TNIP3: variants seen among roughly 807,000 people sequenced by gnomAD.
The protein encoded by TNIP3 is TNFAIP3 interacting protein 3, also known as TNFAIP3-interacting protein 3.
TNIP3 carries 34 observed loss-of-function variants against 54.1 expected under a neutral mutation model. That is an observed-to-expected ratio of 0.63 (90% CI 0.48 to 0.84). The LOEUF (loss-of-function observed/expected upper bound fraction) is 0.84, where lower values mean the gene tolerates loss of function less well. Ranked by LOEUF, TNIP3 falls within the 40% of genes least tolerant of loss-of-function variation. TNIP3 has a pLI of 0.00. For synonymous variants in TNIP3, 134 were observed against 136.8 expected, an observed-to-expected ratio of 0.98 and a Z score of 0.14; for missense variants, 366 against 387.6, an observed-to-expected ratio of 0.94 and a Z score of 0.47.
chr4:121,143,031 G>T (rs1177482433), intron 7 of TNIP3, among the ~76,000 whole-genome samples: 3 of 152,196 alleles, frequency 2.0e-5, no homozygotes, highest in Non-Finnish European at 1.5e-5. Flanking sequence ...TTTAGATACA[G>T]ATATAGAAAC....
chr4:121,178,333 T>C (rs1260907932), intron 3 of TNIP3, among the ~76,000 whole-genome samples: 1 of 152,176 alleles, frequency 6.6e-6, no homozygotes, highest in African/African-American at 2.4e-5. Flanking sequence ...AGGTGCTCAA[T>C]ACACAGCAGC....
intron 2 of TNIP3, among the ~76,000 whole-genome samples, chr4:121,198,635 C>T (rs1053657819): frequency 4.0e-4 from 61 of 152,140 alleles, no homozygotes; most frequent in African/African-American, 1.4e-3. Context: ...TGCCTCTAAA[C>T]AAACTTATAG....
At chr4:121,180,332 G>A (rs1425703900) in intron 3 of TNIP3, among the ~76,000 whole-genome samples, 2 of 151,946 alleles carry the variant, frequency 1.3e-5, no homozygotes, top group Non-Finnish European at 2.9e-5. Context: ...CTCAGGAGGC[G>A]CAGCTTGCAG....
At chr4:121,190,641 G>A (rs1725258432) in intron 2 of TNIP3, among the ~76,000 whole-genome samples, 1 of 152,186 alleles carries the variant, frequency 6.6e-6, no homozygotes, top group African/African-American at 2.4e-5. Context: ...CAATGTCAGT[G>A]AGCAGGGATC....
intron 7 of TNIP3, among the ~76,000 whole-genome samples, chr4:121,145,277 C>G (rs1362159680): frequency 6.6e-6 from 1 of 152,102 alleles, no homozygotes; most frequent in East Asian, 1.9e-4. Context: ...CTATCATTCT[C>G]CTATTGAGTA....
rs371051855 is a variant in TNIP3 at position 121,176,902 on chromosome 4, T to A, written c.189+5774A>T. On this transcript the variant is annotated intron_variant, in intron 3 of 12. Coordinates refer to the TNIP3 transcript ENST00000507879. ...AGAACTTGTCCCCAGCCACTGGGAG[T>A]TCCTCCCTTAACTTGTATCAAAAGT... Among the ~76,000 whole-genome samples the A allele has an allele frequency of 3.0e-4, 46 of 152,206 alleles. No homozygotes were observed. In the South Asian group the frequency reaches 9.6e-3, roughly 32 times the overall value.
At chr4:121,138,766 G>T in intron 9 of TNIP3, 82 bp from the exon 10 acceptor site, 1 of 1,298,068 alleles carries the variant, frequency 7.7e-7, no homozygotes. Context: ...AGGCTATGTG[G>T]CTTTTATTAA....
upstream of TNIP3, among the ~76,000 whole-genome samples, chr4:121,219,066 G>A (rs537280606): frequency 3.8e-4 from 58 of 152,180 alleles, no homozygotes; most frequent in East Asian, 0.01. Flanking sequence ...TGGGTGTGGT[G>A]GTGTGCACCT....
chr4:121,195,611 G>A (rs1197150657), intron 2 of TNIP3, among the ~76,000 whole-genome samples: 4 of 152,150 alleles, frequency 2.6e-5, no homozygotes, highest in African/African-American at 9.6e-5. Context: ...AAAGTTATTT[G>A]TATTAAAATT....
chr4:121,174,695 A>T (rs138937998), intron 3 of TNIP3, among the ~76,000 whole-genome samples: 1 of 152,106 alleles, frequency 6.6e-6, no homozygotes, highest in African/African-American at 2.4e-5. Flanking sequence ...GGAATAATTG[A>T]TCTTTTTTTT....
chr4:121,209,986 T>C (rs993200043), intron 2 of TNIP3, among the ~76,000 whole-genome samples: 9 of 152,210 alleles, frequency 5.9e-5, no homozygotes, highest in Non-Finnish European at 1.5e-5. Context: ...ATTTGAAGTA[T>C]TTTAAGGTTT....
At chr4:121,160,483 A>AG (rs1003547038) in intron 2 of TNIP3, among the ~76,000 whole-genome samples, 4 of 152,048 alleles carry the variant, frequency 2.6e-5, no homozygotes, top group African/African-American at 9.7e-5. Context: ...TCTCAAAAAA[A>AG]AAAAAGAAGG....
At chr4:121,157,597 C>G (rs557835124) in intron 3 of TNIP3, among the ~76,000 whole-genome samples, 1 of 152,106 alleles carries the variant, frequency 6.6e-6, no homozygotes, top group Non-Finnish European at 1.5e-5. Flanking sequence ...CTGGAAAGGG[C>G]AATGAGGGGC....
At chr4:121,160,745 AG>A (rs1730399133) in intron 2 of TNIP3, among the ~76,000 whole-genome samples, 1 of 152,206 alleles carries the variant, frequency 6.6e-6, no homozygotes. Context: ...AGACTTTTCA[AG>A]TAACTCAAGA....
chr4:121,168,234 T>C (rs968026032), upstream of TNIP3, among the ~76,000 whole-genome samples: 4 of 151,832 alleles, frequency 2.6e-5, no homozygotes, highest in African/African-American at 9.7e-5. Flanking sequence ...TGAGACAGAG[T>C]CTCGCTCTGT....
upstream of TNIP3, among the ~76,000 whole-genome samples, chr4:121,166,619 G>A (rs766112707): frequency 5.3e-5 from 8 of 152,310 alleles, no homozygotes; most frequent in Non-Finnish European, 1.2e-4. Context: ...GGGAAATGTG[G>A]TAAAGGAACA....
chr4:121,137,072 T>C (rs1728829254), intron 10 of TNIP3, among the ~76,000 whole-genome samples: 1 of 152,172 alleles, frequency 6.6e-6, no homozygotes, highest in African/African-American at 2.4e-5. Context: ...TCACAATTCA[T>C]TTCTATTTTA....
chr4:121,204,143 A>G (rs1726051982), intron 2 of TNIP3, among the ~76,000 whole-genome samples: 1 of 152,104 alleles, frequency 6.6e-6, no homozygotes, highest in African/African-American at 2.4e-5. Context: ...TTACTTTGTG[A>G]AAGAAAAATA....
chr4:121,147,130 T>C lies in TNIP3; in HGVS notation c.654A>G (p.Arg218=). 1 of 1,613,248 alleles carries C rather than the reference T, an allele frequency of 6.2e-7. No individual in the cohort carries two copies. Among genetic ancestry groups the C allele is most frequent in the Non-Finnish European group, 8.5e-7 (1 of 1,179,600 alleles). ...EEDFKKERSD[R]ERLNQEKEEL... Reference sequence around the variant, plus strand: ...CCTCTTTCTCTTGATTAAGTCTCTCTCGATCCGATCGTTCCTTTTTGAAGT... The same window carrying C: ...CCTCTTTCTCTTGATTAAGTCTCTCCCGATCCGATCGTTCCTTTTTGAAGT... The change falls in exon 7 of 11, where the codon CGA becomes CGG. Residue 218 remains arginine (R), a synonymous_variant. Transcript: ENST00000057513.
Sources: gnomAD v4.1 joint callset for allele counts (sites outside exome capture counted in the v4.1 genomes callset) on GRCh38, gnomAD v4.1.1 for gene constraint, MANE v1.5 for transcripts, NCBI Gene and HGNC (gene_info 2026-07-23, HGNC 2026-07-21) for gene names.